The following PECAM1 variants were observed in gnomAD, a reference collection of about 807,000 sequenced individuals.
PECAM1 encodes the protein platelet and endothelial cell adhesion molecule 1.
Under a neutral mutation model 13.8 loss-of-function variants are expected in PECAM1, and 8 were observed. The observed-to-expected ratio is 0.58, with a 90% CI of 0.34 to 1.05. The LOEUF (loss-of-function observed/expected upper bound fraction) is 1.05, where lower values mean the gene tolerates loss of function less well. Among genes scored for constraint, PECAM1 ranks in the 50% least tolerant of loss-of-function variants. PECAM1 has a pLI of 0.03. For missense variants in PECAM1, 304 were observed against 141.2 expected, an observed-to-expected ratio of 2.15 and a Z score of -5.84; for synonymous variants, 136 against 52.6, an observed-to-expected ratio of 2.58 and a Z score of -6.86.
intron 7 of PECAM1, among the ~76,000 whole-genome samples, chr17:64,357,393 TCA>T (rs2035870323): frequency 6.6e-6 from 1 of 151,956 alleles, no homozygotes. Context: ...CCAGCCAGCC[TCA>T]CTCCCTGCAG....
At chr17:64,375,534 T>G (rs2036337515) in intron 3 of PECAM1, among the ~76,000 whole-genome samples, 178 bp from the exon 4 acceptor site, 2 of 152,082 alleles carry the variant, frequency 1.3e-5, no homozygotes, top group Non-Finnish European at 2.9e-5. Flanking sequence ...AATGAACAGG[T>G]ATGTGCCCAG....
At chr17:64,361,160 T>TGTGTGTGTGTGTGTGTGTGTGTGTG (rs2035968097) in intron 6 of PECAM1, among the ~76,000 whole-genome samples, 9 of 148,054 alleles carry the variant, frequency 6.1e-5, no homozygotes, top group African/African-American at 2.2e-4. Flanking sequence ...TGTGTGTGTG[T>TGTGTGTGTGTGTGTGTGTGTGTGTG]TCTGAGACCG....
intron 14 of PECAM1, 138 bp downstream of exon 14, chr17:64,341,496 A>C (rs2035429659): frequency 2.5e-6 from 1 of 400,722 alleles, no homozygotes; most frequent in African/African-American, 2.1e-5. Flanking sequence ...GGAGAGAGGA[A>C]GCCCACAGCG....
chr17:64,356,823 C>T (rs1326663747), intron 7 of PECAM1, among the ~76,000 whole-genome samples: 1 of 152,116 alleles, frequency 6.6e-6, no homozygotes, highest in Non-Finnish European at 1.5e-5. Flanking sequence ...CCTTCTCTAG[C>T]TATCGGCCAT....
chr17:64,339,643 G>T (rs1400476046), intron 14 of PECAM1, among the ~76,000 whole-genome samples: 6 of 152,276 alleles, frequency 3.9e-5, no homozygotes, highest in African/African-American at 1.4e-4. Context: ...TTTGCATTTT[G>T]TTAGCTCTGA....
Position 64,322,321 on chromosome 17 carries a change from G to T in PECAM1, c.*1495C>A. 1.5e-6 allele frequency: 1 copy of T among 674,478 alleles called. No homozygotes were observed. The highest frequency in any genetic ancestry group is 1.8e-6 in the Non-Finnish European group (1 of 544,630). 41.8% of individuals were successfully genotyped at this position (674,478 alleles called of 1,614,324 possible). On this transcript the variant is annotated 3_prime_UTR_variant, in exon 16 of 16. Transcript: ENST00000563924. ...GAACTGCTTGAACCCAGGAGGCGGA[G>T]GTTGCAGTGAGCAGAGGTTGCGCCG...
chr17:64,358,111 C>T (rs200117136), intron 7 of PECAM1, among the ~76,000 whole-genome samples: 26 of 71,542 alleles, frequency 3.6e-4, no homozygotes, highest in East Asian at 1.1e-3. Context: ...TGGCCACAGT[C>T]TTTTTTTTTT....
Position 64,321,697 on chromosome 17 carries a change from G to T in PECAM1, c.*2119C>A. 1.2e-6 allele frequency: 1 copy of T among 847,230 alleles called. No homozygotes were observed. The highest frequency in any genetic ancestry group is 1.6e-6 in the Non-Finnish European group (1 of 638,654). The allele number at this position is 847,230 out of a possible 1,614,324, so 52.5% of individuals were successfully genotyped here. A position where few individuals can be genotyped will look rare whatever the true frequency, so the allele number is the denominator to read the frequency against. ...GATCGCTTGAGCCCAGGGGTTCGAG[G>T]CTGCGGTGAGCCATTGTTGTGCCAC... On this transcript the variant is annotated 3_prime_UTR_variant, in exon 16 of 16. Coordinates refer to ENST00000563924, the MANE Select transcript of PECAM1 (RefSeq NM_000442.5).
At chr17:64,342,155 A>AG (rs2035449234) in intron 13 of PECAM1, among the ~76,000 whole-genome samples, 1 of 74,506 alleles carries the variant, frequency 1.3e-5, no homozygotes, top group African/African-American at 4.0e-5. Flanking sequence ...ACCTCAAAAA[A>AG]AAAAAAAAGA....
rs570881396 is a variant in PECAM1 at position 64,325,126 on chromosome 17, C to T, written c.2188-1281G>A. 7.2e-5 allele frequency among the ~76,000 whole-genome samples: 11 copies of T among 152,322 alleles called. No individual in the cohort carries two copies. The South Asian group carries it at 1.0e-3, about 14-fold the overall frequency. On this transcript the variant is annotated intron_variant, in intron 15 of 15. Transcript: ENST00000563924. ...TTTGCCGGGCGGGCGCAGTGGCTCA[C>T]GCCTGTAATCCCAACACTTTGGGAG...
At chr17:64,374,924 G>A (rs1487355343) in intron 4 of PECAM1, 127 bp downstream of exon 4, 1 of 410,488 alleles carries the variant, frequency 2.4e-6, no homozygotes, top group Non-Finnish European at 4.4e-6. Flanking sequence ...GAAAAATACT[G>A]GCTTAAAATG....
At chr17:64,344,942 C>T (rs2035526306) in intron 13 of PECAM1, among the ~76,000 whole-genome samples, 1 of 152,194 alleles carries the variant, frequency 6.6e-6, no homozygotes, top group Non-Finnish European at 1.5e-5. Context: ...ATCCCTGCAG[C>T]TGCACAGCTT....
intron 14 of PECAM1, among the ~76,000 whole-genome samples, chr17:64,334,258 G>A (rs1178503072): frequency 1.3e-5 from 2 of 152,086 alleles, no homozygotes; most frequent in Non-Finnish European, 2.9e-5. Context: ...CCTCGGCCCT[G>A]GGGCTGCTCC....
chr17:64,355,788 T>G (rs1303463922), intron 8 of PECAM1, among the ~76,000 whole-genome samples: 6 of 152,196 alleles, frequency 3.9e-5, no homozygotes, highest in Admixed American at 3.9e-4. Context: ...CAATCATGTC[T>G]GTTCTGCGTG....
chr17:64,385,702 A>C (rs2036577872), intron 2 of PECAM1, among the ~76,000 whole-genome samples: 1 of 152,150 alleles, frequency 6.6e-6, no homozygotes, highest in African/African-American at 2.4e-5. Flanking sequence ...ATCAGTAAGC[A>C]CCAAGAGGAA....
At chr17:64,345,060 C>T (rs1488141285) in intron 13 of PECAM1, among the ~76,000 whole-genome samples, 1 of 152,192 alleles carries the variant, frequency 6.6e-6, no homozygotes, top group Non-Finnish European at 1.5e-5. Context: ...CTTTGTTGCC[C>T]AGGCTGGTCT....
At chr17:64,344,072 T>C (rs1016730720) in intron 13 of PECAM1, among the ~76,000 whole-genome samples, 26 of 152,100 alleles carry the variant, frequency 1.7e-4, no homozygotes, top group African/African-American at 5.5e-4. Context: ...TCAAACACCA[T>C]ATACCAGGCG....
intron 4 of PECAM1, 127 bp downstream of exon 4, chr17:64,374,924 G>C (rs1487355343): frequency 2.4e-6 from 1 of 410,488 alleles, no homozygotes; most frequent in Non-Finnish European, 4.4e-6. Context: ...GAAAAATACT[G>C]GCTTAAAATG....
chr17:64,379,535 C>A, intron 2 of PECAM1, among the ~76,000 whole-genome samples: 1 of 152,270 alleles, frequency 6.6e-6, no homozygotes, highest in Middle Eastern at 3.4e-3. Context: ...TTGGCAATGC[C>A]TGTAGGTGCT....
Sources: gnomAD v4.1 joint callset for allele counts (sites outside exome capture counted in the v4.1 genomes callset) on GRCh38, gnomAD v4.1.1 for gene constraint, MANE v1.5 for transcripts, NCBI Gene and HGNC (gene_info 2026-07-23, HGNC 2026-07-21) for gene names.